Variants in ZNF142 observed in about 807,000 individuals in gnomAD.
ZNF142 encodes the protein zinc finger protein 142.
In ZNF142, 96 loss-of-function variants were observed where a neutral mutation model predicts 132.1. The observed-to-expected ratio is 0.73, with a 90% CI of 0.62 to 0.86. The LOEUF (loss-of-function observed/expected upper bound fraction) is 0.86, where lower values mean the gene tolerates loss of function less well. Ranked by LOEUF, ZNF142 falls within the 40% of genes least tolerant of loss-of-function variation. The pLI is 0.00. For missense variants in ZNF142, 2,163 were observed against 2,336.2 expected (o/e 0.93, Z 1.53); for synonymous variants, 842 against 890.1 (o/e 0.95, Z 0.96).
Position 218,638,470 on chromosome 2 carries a change from G to A in ZNF142, c.5533C>T (p.Pro1845Ser), listed in dbSNP as rs928504409. The stretch of plus-strand genomic sequence containing the variant: ...CCCTGGTTTGGGTCGGCTTGGTCAG[G>A]GTGGTGCCTGCGTACGTGCTTGACC... ...QVVKHVRRHH[P>S]DQADPNQGVG... The change falls in exon 11 of 11, where the codon CCT becomes TCT. Residue 1845 changes from proline to serine, a missense_variant. Pro to Ser is a moderately conservative substitution (Grantham distance 74). Transcript: ENST00000411696. 6.3e-7 allele frequency: 1 copy of A among 1,595,354 alleles called. No individual in the cohort carries two copies. The highest frequency in any genetic ancestry group is 1.7e-5 in the Admixed American group (1 of 59,140).
At chr2:218,656,082 T>C in intron 4 of ZNF142, 68 bp downstream of exon 4, 1 of 1,436,152 alleles carries the variant, frequency 7.0e-7, no homozygotes, top group East Asian at 2.4e-5. Flanking sequence ...TTATACAGAA[T>C]CAAAAATAAC....
chr2:218,641,533 C>T (rs189220745), intron 9 of ZNF142, among the ~76,000 whole-genome samples: 4,070 of 151,548 alleles, frequency 0.027, 181 homozygotes, highest in African/African-American at 0.094. Context: ...CGTGAGCCAC[C>T]GCACCCAGCC....
intron 10 of ZNF142, 37 bp downstream of exon 10, chr2:218,640,627 G>T: frequency 6.3e-7 from 1 of 1,595,190 alleles, no homozygotes; most frequent in South Asian, 1.1e-5. Context: ...AGGGAACAAA[G>T]GAACCCTTCA....
rs372437071 is a variant in ZNF142 at position 218,638,363 on chromosome 2, A to T, written c.5640T>A (p.Ala1880=). 23 of 1,522,076 alleles carry T rather than the reference A, an allele frequency of 1.5e-5. No individual in the cohort carries two copies. The highest frequency in any genetic ancestry group is 2.8e-5 in the African/African-American group (2 of 71,944). The allele number at this position is 1,522,076 out of a possible 1,614,324, so 94.3% of individuals were successfully genotyped here. A position where few individuals can be genotyped will look rare whatever the true frequency, so the allele number is the denominator to read the frequency against. Residue 1880 remains alanine (A), a synonymous_variant, in exon 11 of 11, where the codon GCT becomes GCA. Coordinates refer to ENST00000411696, the MANE Select transcript of ZNF142 (RefSeq NM_001379659.1). ...LEDPSPPAPA[A]PHTGPEG ...TTCAGCCCTCAGGTCCAGTGTGGGG[A>T]GCGGCAGGAGCAGGAGGGCTGGGAT...
chr2:218,649,177 T>A lies in ZNF142; in HGVS notation c.1331A>T (p.Asp444Val), dbSNP rs1197087073. 6.2e-7 allele frequency: 1 copy of A among 1,614,120 alleles called. No individual in the cohort carries two copies. Among genetic ancestry groups the A allele is most frequent in the East Asian group, 2.2e-5 (1 of 44,894 alleles). ...LNRHMASMHE[D>V]ISNFYSDTYA... ...GGTGTCTGAGTAGAAGTTGGAAATA[T>A]CTTCATGCATGCTGGCCATGTGGCG... The change falls in exon 7 of 11, where the codon GAT becomes GTT. Residue 444 changes from aspartate to valine, a missense_variant. Asp to Val is a radical substitution (Grantham distance 152). Around this residue, in one of 7 missense-constraint regions of ZNF142, gnomAD observed 749 missense variants for 830.3 expected, o/e 0.90. Coordinates refer to ENST00000411696, the MANE Select transcript of ZNF142 (RefSeq NM_001379659.1).
At position 218,656,309 on chromosome 2, in the gene ZNF142, G is replaced by A. The variant is rs753710442; in HGVS notation, c.121C>T (p.Gln41Ter). The A allele has an allele frequency of 6.2e-7, 1 of 1,609,394 alleles. No homozygotes were observed. The highest frequency in any genetic ancestry group is 8.5e-7 in the Non-Finnish European group (1 of 1,177,412). ...LSNRGILGPV[Q>*]SPCPSRDPAP... ...GGGTCCCGGGAAGGACAGGGGCTCT[G>A]GACAGGCCCCAGGATTCCACGGTTA... is the stretch of plus-strand genomic sequence containing the variant. Residue 41 changes from glutamine to a stop codon, truncating the protein, a stop_gained, in exon 4 of 11, where the codon CAG (glutamine) becomes TAG (stop). Transcript: ENST00000411696. LOFTEE classifies it high-confidence loss of function.
chr2:218,642,834 T>C lies in ZNF142; in HGVS notation c.4282A>G (p.Ile1428Val), dbSNP rs1697348496. ...GTCTGGGGGCAAGAGCTGCAGGGGA[T>C]GCGGCCAATGCCTGTGTGTCGGGAC... ...HQSRHTGIGRIPCSSCPQTFG... is the reference protein window; with the variant it reads ...HQSRHTGIGRVPCSSCPQTFG... Residue 1428 changes from isoleucine to valine, a missense_variant, in exon 9 of 11, where the codon ATC becomes GTC. Physicochemically the swap from Ile to Val is conservative, Grantham distance 29. Coordinates refer to ENST00000411696, the MANE Select transcript of ZNF142 (RefSeq NM_001379659.1). This position sits in a 1 kb window ranked among gnomAD's most constrained non-coding sequence, Gnocchi z 4.6. 6.2e-7 allele frequency: 1 copy of C among 1,614,148 alleles called. No individual in the cohort carries two copies. Among genetic ancestry groups the C allele is most frequent in the African/African-American group, 1.3e-5 (1 of 75,060 alleles).
At position 218,634,782 on chromosome 2, in the gene ZNF142, C is replaced by T. The variant is rs1696614984; in HGVS notation, c.*3557G>A. Among the ~76,000 whole-genome samples the T allele has an allele frequency of 6.6e-6, 1 of 152,174 alleles. No homozygotes were observed. The highest frequency in any genetic ancestry group is 1.5e-5 in the Non-Finnish European group (1 of 68,026). The stretch of plus-strand genomic sequence containing the variant: ...TGGAGCCAGCTGCCTAGCTTCAAAC[C>T]ACAACTTCCTAATTGGGTAATGTTG... On this transcript the variant is annotated 3_prime_UTR_variant, in exon 11 of 11. Coordinates refer to ENST00000411696, the MANE Select transcript of ZNF142 (RefSeq NM_001379659.1). The surrounding 1 kb of genome is among the most constrained non-coding windows in gnomAD (Gnocchi z 4.0).
Position 218,642,457 on chromosome 2 carries a change from C to A in ZNF142, c.4659G>T (p.Arg1553=). The stretch of plus-strand genomic sequence containing the variant: ...CCTCCTGGCAGGCCCCACACTCAAG[C>A]CGTGGGTGCTGTTTACGGGTGTGTC... The part of the protein sequence containing the change: ...LRGHTRKQHP[R]LECGACQEAF... The change falls in exon 9 of 11, where the codon CGG becomes CGT. Residue 1553 remains arginine, a synonymous_variant. Coordinates refer to ENST00000411696, the MANE Select transcript of ZNF142 (RefSeq NM_001379659.1). The surrounding 1 kb of genome is among the most constrained non-coding windows in gnomAD (Gnocchi z 4.6). The A allele has an allele frequency of 6.2e-7, 1 of 1,611,848 alleles. No individual in the cohort carries two copies. The highest frequency in any genetic ancestry group is 1.7e-4 in the Middle Eastern group (1 of 6,050).
chr2:218,656,746 C>T (rs187206180), intron 3 of ZNF142, among the ~76,000 whole-genome samples: 25 of 151,798 alleles, frequency 1.6e-4, no homozygotes, highest in African/African-American at 5.6e-4. Flanking sequence ...TTAGCCAAGT[C>T]ATTAAGCAAT....
rs1363410020 is a variant in ZNF142 at position 218,635,048 on chromosome 2, G to C, written c.*3291C>G. On this transcript the variant is annotated 3_prime_UTR_variant, in exon 11 of 11. Coordinates refer to ENST00000411696, the MANE Select transcript of ZNF142 (RefSeq NM_001379659.1). Reference sequence around the variant, plus strand: ...GAGCCCAGGAGTTTGAGACCAGTCTGAAACTGGTCTCAACAAAAAATTTAA... The same window carrying C: ...GAGCCCAGGAGTTTGAGACCAGTCTCAAACTGGTCTCAACAAAAAATTTAA... 1.3e-5 allele frequency among the ~76,000 whole-genome samples: 2 copies of C among 152,048 alleles called. No individual in the cohort carries two copies. The highest frequency in any genetic ancestry group is 4.8e-5 in the African/African-American group (2 of 41,396).
At position 218,635,694 on chromosome 2, in the gene ZNF142, G is replaced by A; in HGVS notation, c.*2645C>T. The A allele has an allele frequency of 6.9e-7, 1 of 1,444,716 alleles. No individual in the cohort carries two copies. The highest frequency in any genetic ancestry group is 1.4e-5 in the African/African-American group (1 of 69,722). The allele number at this position is 1,444,716 out of a possible 1,614,324, so 89.5% of individuals were successfully genotyped here. ...AGAAAATATATTACCCATGGAGGAT[G>A]TTTTACAAACCAAAAAGCTTCTTCT... On this transcript the variant is annotated 3_prime_UTR_variant, in exon 11 of 11. Coordinates refer to ENST00000411696, the MANE Select transcript of ZNF142 (RefSeq NM_001379659.1).
intron 4 of ZNF142, among the ~76,000 whole-genome samples, chr2:218,654,296 G>GT (rs1938283458): frequency 6.6e-6 from 1 of 151,830 alleles, no homozygotes; most frequent in Admixed American, 6.6e-5. Flanking sequence ...TCCATAAGCT[G>GT]TAACATAGTG....
chr2:218,649,981 G>A (rs1157099358), intron 6 of ZNF142, among the ~76,000 whole-genome samples: 1 of 152,160 alleles, frequency 6.6e-6, no homozygotes, highest in African/African-American at 2.4e-5. Flanking sequence ...TTCTACTGAG[G>A]TGAAAAACTG....
Position 218,638,428 on chromosome 2 carries a change from T to C in ZNF142, c.5575A>G (p.Thr1859Ala), listed in dbSNP as rs763998037. The C allele has an allele frequency of 6.4e-7, 1 of 1,562,758 alleles. No homozygotes were observed. The highest frequency in any genetic ancestry group is 8.7e-7 in the Non-Finnish European group (1 of 1,148,818). The change falls in exon 11 of 11, where the codon ACC becomes GCC. Residue 1859 changes from threonine (T) to alanine (A), a missense_variant. By Grantham distance (58) the Thr-to-Ala change is moderately conservative (BLOSUM62 0). This residue lies in a region of ZNF142 where 325 missense variants were observed against 367.8 expected (regional missense o/e 0.88). Coordinates refer to ENST00000411696, the MANE Select transcript of ZNF142 (RefSeq NM_001379659.1). ...DPNQGVGKDP[T>A]TPTVHLHDVQ... ...TCATGCAGGTGCACTGTGGGGGTGG[T>C]GGGGTCTTTGCCCACACCCTGGTTT...
In ZNF142 at chr2:218,634,443, T is replaced by C; in HGVS notation, c.*3896A>G. On this transcript the variant is annotated 3_prime_UTR_variant, in exon 11 of 11. Coordinates refer to ENST00000411696, the MANE Select transcript of ZNF142 (RefSeq NM_001379659.1). The surrounding 1 kb of genome is among the most constrained non-coding windows in gnomAD (Gnocchi z 4.0). ...CATGGTGAATCTTGCTCTTCTTTTC[T>C]CCTGGGGCCCTCAGTGGCCATGAAT... 1 of 1,607,420 alleles carries C rather than the reference T, an allele frequency of 6.2e-7. No homozygotes were observed. The highest frequency in any genetic ancestry group is 8.5e-7 in the Non-Finnish European group (1 of 1,176,850).
Position 218,634,016 on chromosome 2 carries a change from AGAAGGGT to A in ZNF142, c.*4316_*4322del. 3 of 1,495,640 alleles carry A rather than the reference AGAAGGGT, an allele frequency of 2.0e-6. No homozygotes were observed. Among genetic ancestry groups the A allele is most frequent in the Non-Finnish European group, 2.7e-6 (3 of 1,107,176 alleles). The allele number at this position is 1,495,640 out of a possible 1,614,324, so 92.6% of individuals were successfully genotyped here. On this transcript the variant is annotated 3_prime_UTR_variant, in exon 11 of 11. Coordinates refer to ENST00000411696, the MANE Select transcript of ZNF142 (RefSeq NM_001379659.1). This position sits in a 1 kb window ranked among gnomAD's most constrained non-coding sequence, Gnocchi z 4.0. ...CTGGAGCCAGCTTCAGATGCTGGAG[AGAAGGGT>A]GAAGAGTAGGCATGGTCCTTGGGAC...
chr2:218,646,451 C>T (rs1697739573), intron 7 of ZNF142, 103 bp from the exon 8 acceptor site: 2 of 1,321,880 alleles, frequency 1.5e-6, no homozygotes, highest in Non-Finnish European at 2.1e-6. Context: ...CAGGGAGGAA[C>T]AACAGCTTCA....
chr2:218,638,460 G>C lies in ZNF142; in HGVS notation c.5543C>G (p.Ala1848Gly). 1 of 1,585,880 alleles carries C rather than the reference G, an allele frequency of 6.3e-7. No individual in the cohort carries two copies. Among genetic ancestry groups the C allele is most frequent in the Non-Finnish European group, 8.6e-7 (1 of 1,161,242 alleles). The change falls in exon 11 of 11, where the codon GCC becomes GGC. Residue 1848 changes from alanine (A) to glycine (G), a missense_variant. By Grantham distance (60) the Ala-to-Gly change is moderately conservative. This residue lies in a region of ZNF142 where 325 missense variants were observed against 367.8 expected (regional missense o/e 0.88). Coordinates refer to ENST00000411696, the MANE Select transcript of ZNF142 (RefSeq NM_001379659.1). Reference protein sequence around the residue: ...KHVRRHHPDQADPNQGVGKDP... With the variant: ...KHVRRHHPDQGDPNQGVGKDP... ...TTTGCCCACACCCTGGTTTGGGTCG[G>C]CTTGGTCAGGGTGGTGCCTGCGTAC...
Sources: gnomAD v4.1 joint callset for allele counts (sites outside exome capture counted in the v4.1 genomes callset) on GRCh38, gnomAD v4.1.1 for gene constraint, gnomAD v4.1.1 regional missense constraint, Gnocchi (gnomAD v3.1) non-coding constraint, MANE v1.5 for transcripts, NCBI Gene and HGNC (gene_info 2026-07-23, HGNC 2026-07-21) for gene names.